SPIDR: variants seen among roughly 807,000 people sequenced by gnomAD.
SPIDR encodes scaffold protein involved in DNA repair, also known as DNA repair-scaffolding protein.
Under a neutral mutation model 104.6 loss-of-function variants are expected in SPIDR, and 93 were observed. The ratio of observed to expected loss-of-function variants is 0.89; its 90% CI spans 0.75 to 1.06. SPIDR has a LOEUF of 1.06. Ranked by LOEUF, SPIDR falls within the 50% of genes least tolerant of loss-of-function variation. The pLI is 0.00. For synonymous variants in SPIDR, 431 were observed against 416.9 expected, an observed-to-expected ratio of 1.03 and a Z score of -0.41; for missense variants, 1,154 against 1,111.2, an observed-to-expected ratio of 1.04 and a Z score of -0.55.
intron 11 of SPIDR, among the ~76,000 whole-genome samples, chr8:47,693,098 G>C (rs1473769512): frequency 6.6e-6 from 1 of 152,160 alleles, no homozygotes; most frequent in Non-Finnish European, 1.5e-5. Context: ...GATCTCTTGG[G>C]CTATTTGTTG....
chr8:47,506,944 T>C (rs936239746), intron 8 of SPIDR, among the ~76,000 whole-genome samples: 15 of 152,186 alleles, frequency 9.9e-5, no homozygotes, highest in Non-Finnish European at 1.6e-4. Flanking sequence ...GCTGCCCATG[T>C]TGTACTTCTA....
intron 8 of SPIDR, among the ~76,000 whole-genome samples, chr8:47,578,068 A>G (rs989176460): frequency 6.6e-6 from 1 of 152,228 alleles, no homozygotes; most frequent in African/African-American, 2.4e-5. Flanking sequence ...TTAAAGACTA[A>G]TCATAACTGA....
intron 8 of SPIDR, among the ~76,000 whole-genome samples, chr8:47,445,992 G>A (rs1004653531): frequency 2.6e-5 from 4 of 152,232 alleles, no homozygotes; most frequent in African/African-American, 4.8e-5. Flanking sequence ...GAAGTAGCAA[G>A]TGCTGACAGA....
chr8:47,467,597 C>A (rs1554718376), intron 8 of SPIDR, among the ~76,000 whole-genome samples: 2 of 152,074 alleles, frequency 1.3e-5, no homozygotes, highest in African/African-American at 4.8e-5. Context: ...ATAAACAGAA[C>A]TAAAGACAAA....
rs1398585312 is a variant in SPIDR at position 47,588,082 on chromosome 8, T to C, written c.1098-7729T>C. On this transcript the variant is annotated intron_variant, in intron 8 of 19. Transcript: ENST00000297423. The stretch of plus-strand genomic sequence containing the variant: ...ATATATATATATATATATATATATA[T>C]ATATACACGTATGTATCTGCAAACA... 6.5e-3 allele frequency among the ~76,000 whole-genome samples: 608 copies of C among 93,764 alleles called. 32 individuals carry two copies. The highest frequency in any genetic ancestry group is 0.026 in the African/African-American group (574 of 21,882). 61.5% of individuals were successfully genotyped at this position (93,764 alleles called of 152,430 possible).
intron 8 of SPIDR, among the ~76,000 whole-genome samples, chr8:47,480,209 A>G (rs1479286195): frequency 2.0e-5 from 3 of 152,210 alleles, no homozygotes; most frequent in Admixed American, 6.5e-5. Context: ...TTAGAGGTGA[A>G]TATAAAGAAA....
intron 16 of SPIDR, among the ~76,000 whole-genome samples, chr8:47,723,299 CTG>C (rs1247928007): frequency 1.7e-4 from 26 of 152,018 alleles, no homozygotes; most frequent in African/African-American, 5.1e-4. Context: ...ATAATATCAA[CTG>C]TATTTATAAC....
chr8:47,261,988 A>G (rs1304638619), intron 1 of SPIDR, among the ~76,000 whole-genome samples: 2 of 152,160 alleles, frequency 1.3e-5, no homozygotes, highest in Non-Finnish European at 2.9e-5. Flanking sequence ...ACCTGCTTTT[A>G]TTTCTTTTGG....
At chr8:47,260,908 T>C, upstream of SPIDR, 2 of 1,210,644 alleles carry the variant, frequency 1.7e-6, no homozygotes, top group Middle Eastern at 3.2e-4. Flanking sequence ...CGCGCCGAGG[T>C]GGGACGGCGG....
intron 6 of SPIDR, among the ~76,000 whole-genome samples, chr8:47,400,056 A>G (rs1554661410): frequency 6.6e-6 from 1 of 152,158 alleles, no homozygotes; most frequent in African/African-American, 2.4e-5. Flanking sequence ...TAAGGCCTCT[A>G]AGGGTGGCAG....
chr8:47,350,917 A>T (rs944555643), intron 5 of SPIDR, among the ~76,000 whole-genome samples: 1 of 152,174 alleles, frequency 6.6e-6, no homozygotes, highest in East Asian at 1.9e-4. Flanking sequence ...TTTAGAGCAC[A>T]CCCACACCAT....
intron 3 of SPIDR, among the ~76,000 whole-genome samples, chr8:47,288,237 T>C (rs1375233280): frequency 6.6e-6 from 1 of 152,178 alleles, no homozygotes; most frequent in Non-Finnish European, 1.5e-5. Flanking sequence ...TCAGTTGGTT[T>C]CTTGACTTTT....
intron 5 of SPIDR, among the ~76,000 whole-genome samples, chr8:47,376,304 A>G (rs1363220426): frequency 6.6e-6 from 1 of 152,166 alleles, no homozygotes; most frequent in Non-Finnish European, 1.5e-5. Flanking sequence ...CAGGGACCCC[A>G]GTGTGGAAGG....
intron 5 of SPIDR, among the ~76,000 whole-genome samples, chr8:47,339,863 T>C (rs1303340203): frequency 6.6e-6 from 1 of 151,876 alleles, no homozygotes; most frequent in Non-Finnish European, 1.5e-5. Context: ...GTATTTTTAG[T>C]ATAGACGGGG....
chr8:47,714,225 A>G (rs2082263167), intron 16 of SPIDR, among the ~76,000 whole-genome samples: 1 of 152,078 alleles, frequency 6.6e-6, no homozygotes, highest in South Asian at 2.1e-4. Context: ...TGGCAGAGGT[A>G]GAGAAGGAAA....
In SPIDR at chr8:47,271,594, T is replaced by G. The variant is rs947473605; in HGVS notation, c.34-8268T>G. On this transcript the variant is annotated intron_variant, in intron 1 of 19. Coordinates refer to ENST00000297423, the MANE Select transcript of SPIDR (RefSeq NM_001080394.4). ...TATAATTTCTGTGTCTTTATTGATA[T>G]TCGCTATTTGGTGAGGCATTTTTAT... Among the ~76,000 whole-genome samples the G allele has an allele frequency of 2.0e-5, 3 of 152,132 alleles. No individual in the cohort carries two copies. The East Asian group carries it at 5.8e-4, about 29-fold the overall frequency.
chr8:47,501,445 G>C (rs1183953773), intron 8 of SPIDR, among the ~76,000 whole-genome samples: 1 of 152,048 alleles, frequency 6.6e-6, no homozygotes, highest in South Asian at 2.1e-4. Flanking sequence ...CTCTCTGTTT[G>C]TCTGTTATTG....
At chr8:47,404,790 T>C (rs1416901174) in intron 6 of SPIDR, among the ~76,000 whole-genome samples, 21 of 152,192 alleles carry the variant, frequency 1.4e-4, no homozygotes, top group African/African-American at 4.8e-4. Context: ...TGGAAGACAG[T>C]GTGGCGATTC....
intron 5 of SPIDR, among the ~76,000 whole-genome samples, chr8:47,334,170 A>G (rs1554606770): frequency 6.6e-6 from 1 of 152,128 alleles, no homozygotes; most frequent in African/African-American, 2.4e-5. Context: ...AAATTTGTTA[A>G]CATGTATTTT....
Sources: gnomAD v4.1 joint callset for allele counts (sites outside exome capture counted in the v4.1 genomes callset) on GRCh38, gnomAD v4.1.1 for gene constraint, MANE v1.5 for transcripts, NCBI Gene and HGNC (gene_info 2026-07-23, HGNC 2026-07-21) for gene names.